Variants in CNTNAP2 observed in about 807,000 individuals in gnomAD.
The protein encoded by CNTNAP2 is contactin-associated protein-like 2.
In CNTNAP2, 98 loss-of-function variants were observed where a neutral mutation model predicts 155.2. The ratio of observed to expected loss-of-function variants is 0.63; its 90% confidence interval spans 0.54 to 0.75. CNTNAP2 has a LOEUF of 0.75. Among genes scored for constraint, CNTNAP2 ranks in the 30% least tolerant of loss-of-function variants. The pLI, the probability that CNTNAP2 is intolerant of heterozygous loss-of-function variation, is 0.00. For missense variants in CNTNAP2, 1,727 were observed against 1,688.1 expected, an observed-to-expected ratio of 1.02 and a Z score of -0.40; for synonymous variants, 651 against 631.2, an observed-to-expected ratio of 1.03 and a Z score of -0.47.
At chr7:147,270,474 C>A (rs1203230944) in intron 8 of CNTNAP2, among the ~76,000 whole-genome samples, 1 of 152,166 alleles carries the variant, frequency 6.6e-6, no homozygotes, top group Non-Finnish European at 1.5e-5. Flanking sequence ...AATGTGGCTA[C>A]TAGAAAATTT....
intron 13 of CNTNAP2, among the ~76,000 whole-genome samples, chr7:147,771,545 T>C (rs1259915399): frequency 6.6e-6 from 1 of 152,214 alleles, no homozygotes; most frequent in Non-Finnish European, 1.5e-5. Flanking sequence ...GCCAGTGGAT[T>C]TGCTTTGCTT....
At chr7:146,584,207 A>G (rs73739116) in intron 1 of CNTNAP2, among the ~76,000 whole-genome samples, 3,915 of 152,302 alleles carry the variant, frequency 0.026, 165 homozygotes, top group African/African-American at 0.089. Context: ...CAAACAAACA[A>G]ACAACAAACA....
At chr7:148,333,167 C>G (rs1404701319) in intron 21 of CNTNAP2, among the ~76,000 whole-genome samples, 1 of 152,158 alleles carries the variant, frequency 6.6e-6, no homozygotes, top group Non-Finnish European at 1.5e-5. Flanking sequence ...GTGGCTCACC[C>G]CCGTAATCCC....
chr7:146,140,157 G>A (rs548795244), intron 1 of CNTNAP2, among the ~76,000 whole-genome samples: 1 of 151,982 alleles, frequency 6.6e-6, no homozygotes, highest in African/African-American at 2.4e-5. Flanking sequence ...GCTGAAGAAA[G>A]CTCCATTTCC....
chr7:146,411,149 T>C (rs574551851), intron 1 of CNTNAP2, among the ~76,000 whole-genome samples: 2 of 139,314 alleles, frequency 1.4e-5, no homozygotes, highest in East Asian at 2.0e-4. Flanking sequence ...AAACTGTGAA[T>C]AGAGTAGATT....
chr7:146,260,721 G>GT (rs1799907460), intron 1 of CNTNAP2, among the ~76,000 whole-genome samples: 1 of 152,136 alleles, frequency 6.6e-6, no homozygotes, highest in Non-Finnish European at 1.5e-5. Flanking sequence ...TAGCTAACTT[G>GT]TTTTTTATTT....
chr7:146,824,683 G>A (rs1803365487), intron 2 of CNTNAP2, among the ~76,000 whole-genome samples: 1 of 151,726 alleles, frequency 6.6e-6, no homozygotes, highest in Non-Finnish European at 1.5e-5. Flanking sequence ...CTTATAACTA[G>A]GTTTGATTCT....
chr7:147,235,352 G>T (rs1403634291), intron 8 of CNTNAP2, among the ~76,000 whole-genome samples: 1 of 149,888 alleles, frequency 6.7e-6, no homozygotes, highest in Non-Finnish European at 1.5e-5. Flanking sequence ...TTTGGTGTGT[G>T]TGTGTGTGTG....
At chr7:146,559,567 CAAATAAATAAAT>C (rs533156797) in intron 1 of CNTNAP2, among the ~76,000 whole-genome samples, 1 of 151,620 alleles carries the variant, frequency 6.6e-6, no homozygotes, top group East Asian at 1.9e-4. Flanking sequence ...CACTCTGTCT[CAAATAAATAAAT>C]AAATAAAATA....
intron 18 of CNTNAP2, among the ~76,000 whole-genome samples, chr7:148,177,497 T>G (rs1287448785): frequency 1.3e-5 from 2 of 152,212 alleles, no homozygotes; most frequent in Admixed American, 6.5e-5. Context: ...TCTGGCTTCC[T>G]AGGAAAATAA....
chr7:146,522,279 C>T (rs976705032), intron 1 of CNTNAP2, among the ~76,000 whole-genome samples: 15 of 152,072 alleles, frequency 9.9e-5, no homozygotes, highest in Non-Finnish European at 1.3e-4. Context: ...AAGCACCCGT[C>T]GTTCATAAAA....
At chr7:148,401,123 C>T (rs990615837) in intron 22 of CNTNAP2, among the ~76,000 whole-genome samples, 7 of 152,134 alleles carry the variant, frequency 4.6e-5, no homozygotes, top group Admixed American at 2.0e-4. Flanking sequence ...TTGGGGAACC[C>T]GTGGATGTGG....
intron 1 of CNTNAP2, among the ~76,000 whole-genome samples, chr7:146,204,241 A>G (rs1430338025): frequency 2.0e-5 from 3 of 152,184 alleles, no homozygotes; most frequent in Admixed American, 6.6e-5. Flanking sequence ...TGGAAATTAA[A>G]TATCAGTCCA....
intron 1 of CNTNAP2, among the ~76,000 whole-genome samples, chr7:146,716,298 G>A (rs1419514103): frequency 6.6e-6 from 1 of 150,912 alleles, no homozygotes; most frequent in African/African-American, 2.4e-5. Context: ...GGTGCTAATT[G>A]AGTGACCTTA....
intron 8 of CNTNAP2, among the ~76,000 whole-genome samples, chr7:147,194,296 G>A (rs1435338148): frequency 6.6e-6 from 1 of 152,148 alleles, no homozygotes; most frequent in Non-Finnish European, 1.5e-5. Context: ...ATTCCATGGT[G>A]TATATGTACC....
intron 3 of CNTNAP2, among the ~76,000 whole-genome samples, chr7:146,885,887 C>T (rs10244873): frequency 0.054 from 8,143 of 150,078 alleles, 270 homozygotes; most frequent in African/African-American, 0.091. Flanking sequence ...TAGAACTTGT[C>T]GTGTTTCATT....
intron 13 of CNTNAP2, among the ~76,000 whole-genome samples, chr7:147,850,647 A>G (rs1798918931): frequency 6.6e-6 from 1 of 152,248 alleles, no homozygotes; most frequent in Admixed American, 6.5e-5. Context: ...TCTTTGACAA[A>G]CTTGACAAAA....
intron 11 of CNTNAP2, among the ~76,000 whole-genome samples, chr7:147,530,156 C>T (rs1159768781): frequency 6.6e-6 from 1 of 151,074 alleles, no homozygotes; most frequent in African/African-American, 2.4e-5. Flanking sequence ...TGTGAGGAGG[C>T]CTCAGAATCA....
intron 23 of CNTNAP2, among the ~76,000 whole-genome samples, chr7:148,411,070 CCA>C (rs1161016177): frequency 6.6e-6 from 1 of 152,088 alleles, no homozygotes; most frequent in African/African-American, 2.4e-5. Flanking sequence ...CTAAAATATT[CCA>C]GTGTTTTCTT....
Sources: allele counts gnomAD v4.1 joint callset (sites outside exome capture counted in the v4.1 genomes callset), GRCh38; gene constraint gnomAD v4.1.1; transcripts MANE v1.5; gene names NCBI Gene and HGNC (gene_info 2026-07-23, HGNC 2026-07-21).